LY75: variants seen among roughly 807,000 people sequenced by gnomAD.
LY75 encodes the protein C-type lectin domain family 13 member B.
A neutral mutation model predicts 231.7 loss-of-function variants in LY75; 185 were observed. That is an observed-to-expected ratio of 0.80 (90% CI 0.71 to 0.90). The LOEUF is 0.90. Among genes scored for constraint, LY75 ranks in the 40% least tolerant of loss-of-function variants. LY75 has a pLI of 0.00. For missense variants in LY75, 1,947 were observed against 2,050.2 expected (o/e 0.95, Z 0.97); for synonymous variants, 668 against 689.0 (o/e 0.97, Z 0.48).
At chr2:159,904,487 G>C (rs902052697) in intron 1 of LY75, 102 bp downstream of exon 1, 40 of 1,285,938 alleles carry the variant, frequency 3.1e-5, no homozygotes, top group Non-Finnish European at 3.5e-5. Flanking sequence ...CAAAGCAGCC[G>C]TGACCTGCCC....
At chr2:159,812,238 G>A (rs1460249733) in intron 31 of LY75, 3 of 146,526 alleles carry the variant, frequency 2.0e-5, no homozygotes, top group Non-Finnish European at 3.0e-5. Flanking sequence ...CTTAGGCTGC[G>A]TACATTTTTT....
chr2:159,901,511 C>A (rs1250401851), intron 1 of LY75, among the ~76,000 whole-genome samples: 1 of 152,188 alleles, frequency 6.6e-6, no homozygotes, highest in East Asian at 1.9e-4. Context: ...AACAGGTGAA[C>A]TGGGGAAGCA....
intron 23 of LY75, among the ~76,000 whole-genome samples, chr2:159,847,549 C>T (rs907406946): frequency 2.0e-5 from 3 of 152,080 alleles, no homozygotes; most frequent in South Asian, 4.1e-4. Flanking sequence ...TGATCTCTGG[C>T]AAGTTACTGA....
chr2:159,871,798 T>G (rs1034664774), intron 13 of LY75: 3 of 152,184 alleles, frequency 2.0e-5, no homozygotes, highest in South Asian at 2.1e-4. Context: ...TTCCTCTCTG[T>G]GTATATATGT....
chr2:159,844,781 C>T (rs975342381), intron 23 of LY75, among the ~76,000 whole-genome samples: 9 of 104,118 alleles, frequency 8.6e-5, no homozygotes. Flanking sequence ...TTTTTTAAAG[C>T]TGTCATTCTT....
Position 159,815,590 on chromosome 2 carries a change from A to G in LY75, c.4381-17T>C. The G allele has an allele frequency of 6.2e-7, 1 of 1,603,084 alleles. No homozygotes were observed. Among genetic ancestry groups the G allele is most frequent in the Non-Finnish European group, 8.5e-7 (1 of 1,177,382 alleles). On this transcript the variant is annotated splice_polypyrimidine_tract_variant and intron_variant, in intron 30 of 34. Coordinates refer to ENST00000263636, the MANE Select transcript of LY75 (RefSeq NM_002349.4). ...TTCACTTCCCTGTTGTAAGAACAAT[A>G]GAGATAACCTGAATCCAGATGTTTG... is the stretch of plus-strand genomic sequence containing the variant.
intron 13 of LY75, among the ~76,000 whole-genome samples, chr2:159,868,941 C>A (rs1046539753): frequency 6.6e-6 from 1 of 152,092 alleles, no homozygotes. Context: ...ATGCCCCACA[C>A]ATATACACCA....
intron 32 of LY75, among the ~76,000 whole-genome samples, chr2:159,809,738 C>A (rs1682902076): frequency 6.8e-6 from 1 of 146,900 alleles, no homozygotes; most frequent in South Asian, 2.2e-4. Context: ...AGCGCAGTGG[C>A]ACAGTCTTGG....
chr2:159,831,063 G>T (rs1683640231), intron 28 of LY75, among the ~76,000 whole-genome samples: 1 of 152,158 alleles, frequency 6.6e-6, no homozygotes, highest in Non-Finnish European at 1.5e-5. Flanking sequence ...AGTTAGTCTT[G>T]AGTTGCTACA....
chr2:159,874,038 T>C (rs200475938), intron 12 of LY75, among the ~76,000 whole-genome samples: 1 of 83,240 alleles, frequency 1.2e-5, no homozygotes. Flanking sequence ...GTATATATTT[T>C]GTAAAAATAC....
Position 159,815,475 on chromosome 2 carries a change from T to A in LY75, c.4479A>T (p.Pro1493=), listed in dbSNP as rs370444148. The A allele has an allele frequency of 5.8e-5, 94 of 1,613,748 alleles. No homozygotes were observed. The highest frequency in any genetic ancestry group is 1.3e-4 in the Admixed American group (8 of 59,902). The part of the protein sequence containing the change: ...TSPGNCVLLD[P]KGTWKHEKCN... ...ATTTTTCATGTTTCCAAGTTCCTTTTGGATCCAAGAGAACACAATTTCCAG... is the reference window on the plus strand; with the variant it reads ...ATTTTTCATGTTTCCAAGTTCCTTTAGGATCCAAGAGAACACAATTTCCAG... The change falls in exon 31 of 35, where the codon CCA becomes CCT. Residue 1493 remains proline (P), a synonymous_variant. Coordinates refer to ENST00000263636, the MANE Select transcript of LY75 (RefSeq NM_002349.4).
intron 29 of LY75, among the ~76,000 whole-genome samples, chr2:159,817,808 G>A (rs1442654526): frequency 6.6e-6 from 1 of 152,170 alleles, no homozygotes; most frequent in Admixed American, 6.5e-5. Flanking sequence ...AGCATTTTGG[G>A]AGGCCAAGGC....
chr2:159,875,524 G>A lies in LY75; in HGVS notation c.1894C>T (p.Pro632Ser). The A allele has an allele frequency of 6.2e-7, 1 of 1,614,042 alleles. No individual in the cohort carries two copies. Among genetic ancestry groups the A allele is most frequent in the Non-Finnish European group, 8.5e-7 (1 of 1,179,988 alleles). Reference sequence around the variant, plus strand: ...TCAGGCTTAGGGGATGCTTCTTCAGGCCCAAGGGGTCCACTCATTTTCTTG... The same window carrying A: ...TCAGGCTTAGGGGATGCTTCTTCAGACCCAAGGGGTCCACTCATTTTCTTG... Reference protein sequence around the residue: ...ICKKMSGPLGPEEASPKPDDP... With the variant: ...ICKKMSGPLGSEEASPKPDDP... The change falls in exon 12 of 35, where the codon CCT becomes TCT. Residue 632 changes from proline to serine, a missense_variant. By Grantham distance (74) the Pro-to-Ser change is moderately conservative. Transcript: ENST00000263636.
chr2:159,868,450 A>T (rs764767536), intron 13 of LY75, among the ~76,000 whole-genome samples: 6 of 152,202 alleles, frequency 3.9e-5, no homozygotes, highest in Non-Finnish European at 8.8e-5. Context: ...CTATGTTTAT[A>T]ATCAGGAGCT....
intron 1 of LY75, 78 bp downstream of exon 1, chr2:159,904,511 C>G: frequency 7.1e-7 from 1 of 1,413,008 alleles, no homozygotes; most frequent in Non-Finnish European, 9.3e-7. Flanking sequence ...GGGCGCAGCC[C>G]TGCCCCAGGC....
At chr2:159,831,849 A>C in intron 27 of LY75, 63 bp from the exon 28 acceptor site, 1 of 1,369,402 alleles carries the variant, frequency 7.3e-7, no homozygotes, top group Non-Finnish European at 1.0e-6. Flanking sequence ...TCTATTTGAT[A>C]AGTTTAAAAC....
rs528736401 is a variant in LY75 at position 159,885,369 on chromosome 2, A to G, written c.914-76T>C. 1.6e-5 allele frequency: 25 copies of G among 1,530,002 alleles called. No individual in the cohort carries two copies. In the African/African-American group the frequency reaches 3.3e-4, roughly 20 times the overall value. The allele number at this position is 1,530,002 out of a possible 1,614,324, so 94.8% of individuals were successfully genotyped here. On this transcript the variant is annotated intron_variant, in intron 5 of 34. Transcript: ENST00000263636. ...GATGGTGTCAGAAAGAATAATTTGTATTCCTAATTTTATGCTTTTATGGGA... is the reference window on the plus strand; with the variant it reads ...GATGGTGTCAGAAAGAATAATTTGTGTTCCTAATTTTATGCTTTTATGGGA...
chr2:159,859,208 G>A (rs1168461825), intron 15 of LY75, among the ~76,000 whole-genome samples: 1 of 152,178 alleles, frequency 6.6e-6, no homozygotes, highest in East Asian at 1.9e-4. Flanking sequence ...AAGCTTCTCT[G>A]AAGTTTTCAC....
intron 14 of LY75, among the ~76,000 whole-genome samples, chr2:159,863,117 A>C (rs1472161301): frequency 6.6e-6 from 1 of 150,714 alleles, no homozygotes; most frequent in African/African-American, 2.4e-5. Context: ...AGGGTCACCC[A>C]TGTTGTCACA....
Sources: gnomAD v4.1 joint callset for allele counts (sites outside exome capture counted in the v4.1 genomes callset) on GRCh38, gnomAD v4.1.1 for gene constraint, MANE v1.5 for transcripts, NCBI Gene and HGNC (gene_info 2026-07-23, HGNC 2026-07-21) for gene names.